Variants in GALNT11 observed in about 807,000 individuals in gnomAD.
GALNT11 encodes polypeptide N-acetylgalactosaminyltransferase 11, also known as UDP-GalNAc:polypeptide N-acetylgalactosaminyltransferase 11.
A neutral mutation model predicts 72.7 loss-of-function variants in GALNT11; 47 were observed. The observed-to-expected ratio is 0.65, with a 90% CI of 0.51 to 0.82. The LOEUF (loss-of-function observed/expected upper bound fraction) is 0.82, where lower values mean the gene tolerates loss of function less well. Among genes scored for constraint, GALNT11 ranks in the 40% least tolerant of loss-of-function variants. The probability of loss-of-function intolerance (pLI) is 0.00; values close to 1 mark genes in which losing one functional copy is unlikely to be tolerated. For missense variants in GALNT11, 677 were observed against 778.4 expected (o/e 0.87, Z 1.55); for synonymous variants, 270 against 286.6 (o/e 0.94, Z 0.58).
At chr7:152,095,875 G>A (rs758170252) in intron 2 of GALNT11, among the ~76,000 whole-genome samples, 19 of 152,054 alleles carry the variant, frequency 1.2e-4, no homozygotes, top group East Asian at 5.8e-4. Flanking sequence ...ATAGACTATC[G>A]TAAAGAATCC....
At position 152,054,110 on chromosome 7, in the gene GALNT11, TATAG is replaced by T. The variant is rs374931604; in HGVS notation, c.-39+28230_-39+28233del. Among the ~76,000 whole-genome samples the T allele has an allele frequency of 2.0e-3, 303 of 152,282 alleles. 1 individual carries two copies. Among genetic ancestry groups the T allele is most frequent in the African/African-American group, 6.9e-3 (289 of 41,584 alleles). ...TTATCTAATCCCATGACTCATTTGC[TATAG>T]ATATTTTTTCTATTTTTGTCCTTTT... On this transcript the variant is annotated intron_variant, in intron 1 of 11. Transcript: ENST00000430044.
At chr7:152,090,939 G>T (rs1437170481) in intron 1 of GALNT11, among the ~76,000 whole-genome samples, 1 of 152,172 alleles carries the variant, frequency 6.6e-6, no homozygotes, top group Non-Finnish European at 1.5e-5. Flanking sequence ...AATCATAAGG[G>T]AAGTGGGGAG....
chr7:152,032,109 T>G (rs2082330346), intron 1 of GALNT11, among the ~76,000 whole-genome samples: 1 of 152,078 alleles, frequency 6.6e-6, no homozygotes, highest in Non-Finnish European at 1.5e-5. Context: ...AGATCTAGAG[T>G]AGCCTGCTGG....
chr7:152,067,821 G>A (rs1008131489), intron 1 of GALNT11, among the ~76,000 whole-genome samples: 2 of 152,126 alleles, frequency 1.3e-5, no homozygotes, highest in Admixed American at 1.3e-4. Context: ...TTGGCTCAGG[G>A]TTCTGCAGGC....
At chr7:152,052,685 C>T (rs2083458639) in intron 1 of GALNT11, among the ~76,000 whole-genome samples, 1 of 152,136 alleles carries the variant, frequency 6.6e-6, no homozygotes, top group South Asian at 2.1e-4. Context: ...CTGGGTTCTT[C>T]CTCCTCCACA....
intron 1 of GALNT11, among the ~76,000 whole-genome samples, chr7:152,044,739 G>C (rs2083034832): frequency 6.6e-6 from 1 of 151,946 alleles, no homozygotes; most frequent in Non-Finnish European, 1.5e-5. Context: ...GCAAACAAGG[G>C]TACTTTGACT....
intron 1 of GALNT11, among the ~76,000 whole-genome samples, chr7:152,035,777 A>C (rs1261482095): frequency 6.6e-6 from 1 of 152,194 alleles, no homozygotes; most frequent in African/African-American, 2.4e-5. Context: ...TCTAAGGGAA[A>C]ACAGGACAGA....
At chr7:152,073,950 G>A (rs2084810020) in intron 1 of GALNT11, among the ~76,000 whole-genome samples, 1 of 150,556 alleles carries the variant, frequency 6.6e-6, no homozygotes, top group Non-Finnish European at 1.5e-5. Flanking sequence ...GTCTTCTTTT[G>A]AGAGATGGCT....
At chr7:152,071,075 A>G (rs1463789432) in intron 1 of GALNT11, among the ~76,000 whole-genome samples, 1 of 152,268 alleles carries the variant, frequency 6.6e-6, no homozygotes, top group Non-Finnish European at 1.5e-5. Flanking sequence ...TCACAGGACT[A>G]CAGGACTGGG....
intron 3 of GALNT11, among the ~76,000 whole-genome samples, chr7:152,102,688 A>AGAGGCTGAGC (rs1369769238): frequency 6.6e-6 from 1 of 152,170 alleles, no homozygotes; most frequent in Admixed American, 6.5e-5. Context: ...AATGTTAGAA[A>AGAGGCTGAGC]GAGGCTGAAC....
intron 7 of GALNT11, among the ~76,000 whole-genome samples, chr7:152,112,934 A>G (rs1290328451): frequency 1.3e-5 from 2 of 152,236 alleles, no homozygotes; most frequent in African/African-American, 4.8e-5. Flanking sequence ...CTTGTTCTTA[A>G]GTGCCTAAGA....
chr7:152,034,635 G>A (rs917510900), intron 1 of GALNT11, among the ~76,000 whole-genome samples: 1 of 152,116 alleles, frequency 6.6e-6, no homozygotes, highest in African/African-American at 2.4e-5. Flanking sequence ...AACCCACAAT[G>A]GTCCCTGAAC....
intron 7 of GALNT11, 82 bp downstream of exon 7, chr7:152,110,727 T>A: frequency 1.8e-6 from 2 of 1,085,028 alleles, no homozygotes; most frequent in Non-Finnish European, 2.7e-6. Flanking sequence ...TTCTTTATAT[T>A]CTCCTTGATT....
At chr7:152,062,802 CCAGGG>C (rs1180350332) in intron 1 of GALNT11, among the ~76,000 whole-genome samples, 39 of 152,124 alleles carry the variant, frequency 2.6e-4, no homozygotes, top group African/African-American at 9.2e-4. Context: ...GCCTTGCATC[CCAGGG>C]ATGAAGCCCA....
Position 152,111,354 on chromosome 7 carries a change from T to C in GALNT11, c.1080+709T>C, listed in dbSNP as rs115559915. Among the ~76,000 whole-genome samples, 1,451 of 152,238 alleles carry C rather than the reference T, an allele frequency of 9.5e-3. 25 individuals carry two copies. Among genetic ancestry groups the C allele is most frequent in the African/African-American group, 0.033 (1,390 of 41,534 alleles). On this transcript the variant is annotated intron_variant, in intron 7 of 11. Coordinates refer to ENST00000430044, the MANE Select transcript of GALNT11 (RefSeq NM_022087.4). ...CTTTTTGTAGAGATGCGAGTCTCAC[T>C]ATGTTGCCCAGGCTGGTCTTGAACT...
At chr7:152,102,981 CAAA>C (rs11358024) in intron 3 of GALNT11, 128 bp from the exon 4 acceptor site, 2,299 of 600,322 alleles carry the variant, frequency 3.8e-3, no homozygotes, top group South Asian at 6.4e-3. Context: ...GACTCCGTCT[CAAA>C]AAAAAAAAAA....
intron 1 of GALNT11, among the ~76,000 whole-genome samples, chr7:152,079,782 G>T (rs2085208383): frequency 6.6e-6 from 1 of 152,168 alleles, no homozygotes; most frequent in Non-Finnish European, 1.5e-5. Context: ...AATTTCACAG[G>T]GGTATGTGGG....
At chr7:152,054,912 T>C (rs2083584371) in intron 1 of GALNT11, among the ~76,000 whole-genome samples, 1 of 152,172 alleles carries the variant, frequency 6.6e-6, no homozygotes, top group Non-Finnish European at 1.5e-5. Context: ...CCATAGGATG[T>C]GTGTATACAC....
intron 1 of GALNT11, among the ~76,000 whole-genome samples, chr7:152,029,318 G>A (rs2082194755): frequency 6.6e-6 from 1 of 152,204 alleles, no homozygotes; most frequent in African/African-American, 2.4e-5. Flanking sequence ...GTGGTAGTAG[G>A]ATAATGAAGT....
Sources: allele counts gnomAD v4.1 joint callset (sites outside exome capture counted in the v4.1 genomes callset), GRCh38; gene constraint gnomAD v4.1.1; transcripts MANE v1.5; gene names NCBI Gene and HGNC (gene_info 2026-07-23, HGNC 2026-07-21).